PPFIA2: variants seen among roughly 807,000 people sequenced by gnomAD.
PPFIA2 encodes PPFI scaffold protein A2.
Under a neutral mutation model 175.5 loss-of-function variants are expected in PPFIA2, and 46 were observed. The ratio of observed to expected loss-of-function variants is 0.26; its 90% confidence interval spans 0.21 to 0.34. The LOEUF is 0.34. Among genes scored for constraint, PPFIA2 ranks in the 10% least tolerant of loss-of-function variants. The pLI is 1.00. For synonymous variants in PPFIA2, 568 were observed against 511.4 expected, an observed-to-expected ratio of 1.11 and a Z score of -1.49; for missense variants, 1,179 against 1,506.1, an observed-to-expected ratio of 0.78 and a Z score of 3.60.
rs191716081 is a variant in PPFIA2 at position 81,598,715 on chromosome 12, T to C, written c.303+78076A>G. Among the ~76,000 whole-genome samples the C allele has an allele frequency of 3.4e-3, 524 of 152,014 alleles. 11 individuals are homozygous for C. The highest frequency in any genetic ancestry group is 6.8e-4 in the Non-Finnish European group (46 of 67,892). Reference sequence around the variant, plus strand: ...ACAGCTGTTACAGCTGGCCCGGATATTGAGAGGCAATTGCATACAATTCAG... The same window carrying C: ...ACAGCTGTTACAGCTGGCCCGGATACTGAGAGGCAATTGCATACAATTCAG... On this transcript the variant is annotated intron_variant, in intron 4 of 32. Transcript: ENST00000549396.
In PPFIA2 at chr12:81,365,924, A is replaced by ATTCTTCATC. The variant is rs1429658888; in HGVS notation, c.1545+1175_1545+1183dup. Among the ~76,000 whole-genome samples, 23 of 150,468 alleles carry ATTCTTCATC rather than the reference A, an allele frequency of 1.5e-4. No individual in the cohort carries two copies. In the East Asian group the frequency reaches 4.2e-3, roughly 27 times the overall value. ...AATGTATAATTGTTCTCTTTCCTCT[A>ATTCTTCATC]TTCTTCATCTTTTCCAATACCTTCT... On this transcript the variant is annotated intron_variant, in intron 14 of 32. Coordinates refer to ENST00000549396, the MANE Select transcript of PPFIA2 (RefSeq NM_003625.5).
intron 4 of PPFIA2, among the ~76,000 whole-genome samples, chr12:81,550,538 G>A (rs989574504): frequency 3.3e-5 from 5 of 151,936 alleles, no homozygotes; most frequent in African/African-American, 1.2e-4. Context: ...AACAGTAGAG[G>A]ATCTGAAACA....
chr12:81,605,560 T>C (rs113994763), intron 4 of PPFIA2, among the ~76,000 whole-genome samples: 1,684 of 151,952 alleles, frequency 0.011, 35 homozygotes, highest in African/African-American at 0.038. Flanking sequence ...AGATGGACAA[T>C]ACATCCTAGT....
chr12:81,675,199 TAC>T (rs34965629), intron 4 of PPFIA2, among the ~76,000 whole-genome samples: 24,856 of 148,410 alleles, frequency 0.17, 2,166 homozygotes, highest in South Asian at 0.26. Flanking sequence ...TATACACACA[TAC>T]ACACACACAC....
intron 4 of PPFIA2, among the ~76,000 whole-genome samples, chr12:81,540,528 T>C (rs2066047081): frequency 6.6e-6 from 1 of 152,068 alleles, no homozygotes; most frequent in Non-Finnish European, 1.5e-5. Flanking sequence ...ATTTTTAAAA[T>C]GTATCTTTCA....
chr12:81,380,450 G>A (rs1204219733), intron 9 of PPFIA2, among the ~76,000 whole-genome samples: 5 of 151,846 alleles, frequency 3.3e-5, no homozygotes, highest in East Asian at 1.9e-4. Flanking sequence ...ACCATAACCC[G>A]GAAAAATATT....
chr12:81,309,198 C>G (rs753127958), intron 22 of PPFIA2, among the ~76,000 whole-genome samples: 1 of 152,092 alleles, frequency 6.6e-6, no homozygotes, highest in South Asian at 2.1e-4. Flanking sequence ...CCTCAAATTT[C>G]AACCAAAGAA....
intron 4 of PPFIA2, among the ~76,000 whole-genome samples, chr12:81,477,378 A>C (rs909932055): frequency 6.6e-6 from 1 of 152,186 alleles, no homozygotes; most frequent in Admixed American, 6.5e-5. Flanking sequence ...ATTATGAAGA[A>C]GTCAGGAAAA....
chr12:81,666,197 G>C (rs28863525), intron 4 of PPFIA2, among the ~76,000 whole-genome samples: 2 of 152,192 alleles, frequency 1.3e-5, no homozygotes, highest in Non-Finnish European at 1.5e-5. Context: ...GTGGAATTCA[G>C]TGTGGCGATT....
intron 4 of PPFIA2, among the ~76,000 whole-genome samples, chr12:81,460,522 AAGTAT>A (rs2054340187): frequency 6.6e-6 from 1 of 152,108 alleles, no homozygotes. Flanking sequence ...AGAAGGTCCA[AAGTAT>A]AGTATACCTT....
chr12:81,620,998 GA>G (rs555313471), intron 4 of PPFIA2, among the ~76,000 whole-genome samples: 78 of 152,100 alleles, frequency 5.1e-4, no homozygotes, highest in African/African-American at 1.6e-3. Context: ...AGCAAAACGG[GA>G]AAAAAATTGT....
In PPFIA2 at chr12:81,636,713, C is replaced by T. The variant is rs535620233; in HGVS notation, c.303+40078G>A. ...TGTAGCTCAGGCTGGAGTACAGTGG[C>T]GCAAGCTCAGCTCGCTGCAACCTCT... On this transcript the variant is annotated intron_variant, in intron 4 of 32. Transcript: ENST00000549396. Among the ~76,000 whole-genome samples, 21 of 152,088 alleles carry T rather than the reference C, an allele frequency of 1.4e-4. No individual in the cohort carries two copies. In the East Asian group the frequency reaches 1.9e-3, roughly 14 times the overall value.
intron 4 of PPFIA2, among the ~76,000 whole-genome samples, chr12:81,507,795 C>T (rs987351148): frequency 6.6e-6 from 1 of 152,044 alleles, no homozygotes; most frequent in African/African-American, 2.4e-5. Flanking sequence ...TGTTCAAAAC[C>T]CAAAGAGTAA....
At chr12:81,471,019 C>A (rs1288079882) in intron 4 of PPFIA2, 4 of 152,174 alleles carry the variant, frequency 2.6e-5, no homozygotes, top group Non-Finnish European at 5.9e-5. Flanking sequence ...CCTTCTGTAA[C>A]TGACTTATTT....
intron 4 of PPFIA2, among the ~76,000 whole-genome samples, chr12:81,654,389 C>G (rs1460076062): frequency 6.6e-6 from 1 of 151,916 alleles, no homozygotes; most frequent in Admixed American, 6.6e-5. Flanking sequence ...TAAAAGCCTA[C>G]TAACATAAAA....
intron 5 of PPFIA2, among the ~76,000 whole-genome samples, chr12:81,455,534 C>T (rs1292719406): frequency 6.6e-6 from 1 of 151,984 alleles, no homozygotes; most frequent in African/African-American, 2.4e-5. Flanking sequence ...ATTTTGACTC[C>T]CAAATAGGTA....
At chr12:81,420,613 TA>T (rs1340164033) in intron 7 of PPFIA2, among the ~76,000 whole-genome samples, 4 of 151,904 alleles carry the variant, frequency 2.6e-5, no homozygotes, top group Non-Finnish European at 4.4e-5. Context: ...CTTTTGATCT[TA>T]ACCAGTCATA....
chr12:81,290,181 A>G (rs965012952), intron 24 of PPFIA2, among the ~76,000 whole-genome samples: 3 of 151,688 alleles, frequency 2.0e-5, no homozygotes, highest in African/African-American at 7.2e-5. Context: ...CCCAAGCCCA[A>G]ACCTCAGTGT....
At chr12:81,537,678 G>A (rs1335382326) in intron 4 of PPFIA2, among the ~76,000 whole-genome samples, 1 of 151,818 alleles carries the variant, frequency 6.6e-6, no homozygotes, top group Non-Finnish European at 1.5e-5. Context: ...TGCATATCAA[G>A]ACGTATTTTA....
Sources: gnomAD v4.1 joint callset for allele counts (sites outside exome capture counted in the v4.1 genomes callset) on GRCh38, gnomAD v4.1.1 for gene constraint, MANE v1.5 for transcripts, NCBI Gene and HGNC (gene_info 2026-07-23, HGNC 2026-07-21) for gene names.